Variants in IL1RAPL2 observed in about 807,000 individuals in gnomAD.
The protein encoded by IL1RAPL2 is X-linked interleukin-1 receptor accessory protein-like 2.
In IL1RAPL2, 3 loss-of-function variants were observed where a neutral mutation model predicts 44.1. The observed-to-expected ratio is 0.07, with a 90% CI of 0.03 to 0.18. IL1RAPL2 has a LOEUF of 0.18. Among genes scored for constraint, IL1RAPL2 ranks in the 10% least tolerant of loss-of-function variants. The pLI is 1.00. For missense variants in IL1RAPL2, 391 were observed against 496.4 expected, an observed-to-expected ratio of 0.79 and a Z score of 2.02; for synonymous variants, 181 against 178.8, an observed-to-expected ratio of 1.01 and a Z score of -0.10.
chrX:104,861,445 C>A lies in IL1RAPL2; in HGVS notation c.82+202450C>A, dbSNP rs1055912295. 2.7e-5 allele frequency among the ~76,000 whole-genome samples: 3 copies of A among 111,374 alleles called. No homozygotes were observed. The East Asian group carries it at 8.5e-4, about 32-fold the overall frequency. On this transcript the variant is annotated intron_variant, in intron 2 of 10. Coordinates refer to ENST00000372582, the MANE Select transcript of IL1RAPL2 (RefSeq NM_017416.2). ...AAAATAAAATATAGACTATCCTCAA[C>A]TTATGAGGGTTCAAATTAGTATTTT...
At chrX:104,601,031 C>T (rs940455293) in intron 1 of IL1RAPL2, among the ~76,000 whole-genome samples, 8 of 111,026 alleles carry the variant, frequency 7.2e-5, no homozygotes, top group African/African-American at 2.6e-4. Context: ...GCATATATAC[C>T]CAGTAATGGG....
chrX:105,618,839 T>C (rs1232114751), intron 6 of IL1RAPL2, among the ~76,000 whole-genome samples: 1 of 111,771 alleles, frequency 8.9e-6, no homozygotes, highest in East Asian at 2.8e-4. Context: ...TCTGTTGTTA[T>C]GAGCACAGAG....
chrX:104,908,454 T>G (rs1168662734), intron 2 of IL1RAPL2, among the ~76,000 whole-genome samples: 1 of 111,576 alleles, frequency 9.0e-6, no homozygotes, highest in African/African-American at 3.3e-5. Flanking sequence ...GTTGTTCCTT[T>G]CCATGTTTAG....
chrX:104,617,220 T>C (rs981193171), intron 1 of IL1RAPL2, among the ~76,000 whole-genome samples: 4 of 112,175 alleles, frequency 3.6e-5, no homozygotes, highest in African/African-American at 1.3e-4. Flanking sequence ...CTTTTAAGGC[T>C]TCTGCTGAGA....
intron 6 of IL1RAPL2, among the ~76,000 whole-genome samples, chrX:105,511,279 T>G (rs1001362396): frequency 6.3e-5 from 7 of 111,699 alleles, no homozygotes; most frequent in Non-Finnish European, 1.3e-4. Context: ...GTTTTGGAGC[T>G]CCACAAGGAC....
chrX:104,585,306 T>A (rs189311505), intron 1 of IL1RAPL2, among the ~76,000 whole-genome samples: 11 of 21,142 alleles, frequency 5.2e-4, no homozygotes, highest in East Asian at 4.1e-3. Context: ...ATATTATATA[T>A]TATATAATAT....
At chrX:104,602,620 G>A (rs192371529) in intron 1 of IL1RAPL2, among the ~76,000 whole-genome samples, 22 of 111,404 alleles carry the variant, frequency 2.0e-4, no homozygotes, top group Non-Finnish European at 3.8e-4. Flanking sequence ...GTCTGAGATC[G>A]ACCCAGGACA....
intron 2 of IL1RAPL2, among the ~76,000 whole-genome samples, chrX:104,893,331 A>T (rs1290432650): frequency 9.0e-6 from 1 of 111,343 alleles, no homozygotes; most frequent in East Asian, 2.8e-4. Flanking sequence ...GCTGGGTTCA[A>T]TTTCTGGATA....
intron 5 of IL1RAPL2, among the ~76,000 whole-genome samples, chrX:105,326,726 T>C (rs1639850742): frequency 8.9e-6 from 1 of 111,769 alleles, no homozygotes; most frequent in Non-Finnish European, 1.9e-5. Context: ...TTTATTCCAT[T>C]GATCTATACG....
At chrX:104,657,409 T>A (rs752129038) in intron 1 of IL1RAPL2, among the ~76,000 whole-genome samples, 1 of 111,634 alleles carries the variant, frequency 9.0e-6, no homozygotes, top group Admixed American at 9.6e-5. Flanking sequence ...CTGGGAAAAC[T>A]GGCTAGCCAT....
intron 1 of IL1RAPL2, among the ~76,000 whole-genome samples, chrX:104,600,149 T>C (rs1223028665): frequency 2.7e-5 from 3 of 112,311 alleles, no homozygotes; most frequent in African/African-American, 6.5e-5. Context: ...CATAAATCAT[T>C]ATCTACAGGG....
chrX:105,078,073 T>A (rs1024663377), intron 2 of IL1RAPL2, among the ~76,000 whole-genome samples: 1 of 112,233 alleles, frequency 8.9e-6, no homozygotes. Flanking sequence ...CCGTTGCTGG[T>A]GAGGAGCTGC....
chrX:105,756,374 G>A lies in IL1RAPL2; in HGVS notation c.1363+1027G>A, dbSNP rs142948486. On this transcript the variant is annotated intron_variant, in intron 10 of 10. Coordinates refer to ENST00000372582, the MANE Select transcript of IL1RAPL2 (RefSeq NM_017416.2). ...CAAACAGTTGGCAAATGGTTGAGCT[G>A]GCAGTGGAACCTAGATTTATTTGAC... Among the ~76,000 whole-genome samples, 3 of 111,504 alleles carry A rather than the reference G, an allele frequency of 2.7e-5. No homozygotes were observed. In the East Asian group the frequency reaches 8.5e-4, roughly 32 times the overall value.
At chrX:105,396,460 C>T (rs1351390030) in intron 5 of IL1RAPL2, among the ~76,000 whole-genome samples, 1 of 101,975 alleles carries the variant, frequency 9.8e-6, no homozygotes, top group Non-Finnish European at 2.0e-5. Context: ...AGTATACTAG[C>T]TGGTAATAGC....
chrX:105,207,629 T>G (rs1556153662), intron 3 of IL1RAPL2, among the ~76,000 whole-genome samples: 1 of 111,834 alleles, frequency 8.9e-6, no homozygotes, highest in Non-Finnish European at 1.9e-5. Context: ...CCTCTAGCAC[T>G]TTTTTCCTTT....
At chrX:104,828,229 C>A (rs1047508760) in intron 2 of IL1RAPL2, among the ~76,000 whole-genome samples, 5 of 112,297 alleles carry the variant, frequency 4.5e-5, no homozygotes, top group African/African-American at 1.3e-4. Context: ...GAATTTTCAG[C>A]CTTTTTGTGC....
At chrX:104,904,661 C>T (rs1271370273) in intron 2 of IL1RAPL2, among the ~76,000 whole-genome samples, 1 of 109,975 alleles carries the variant, frequency 9.1e-6, no homozygotes, top group Non-Finnish European at 1.9e-5. Flanking sequence ...CATAGTATTC[C>T]ATGGTGTATA....
intron 2 of IL1RAPL2, among the ~76,000 whole-genome samples, chrX:104,921,612 T>C (rs954471214): frequency 8.9e-6 from 1 of 112,217 alleles, no homozygotes; most frequent in Non-Finnish European, 1.9e-5. Context: ...TCCAGGTGGA[T>C]GAAAATGAGA....
At chrX:104,791,729 C>T (rs1250891081) in intron 2 of IL1RAPL2, among the ~76,000 whole-genome samples, 1 of 111,516 alleles carries the variant, frequency 9.0e-6, no homozygotes, top group Non-Finnish European at 1.9e-5. Flanking sequence ...TATGAAGTAG[C>T]AGAACATGTG....
Sources: gnomAD v4.1 joint callset for allele counts (sites outside exome capture counted in the v4.1 genomes callset) on GRCh38, gnomAD v4.1.1 for gene constraint, MANE v1.5 for transcripts, NCBI Gene and HGNC (gene_info 2026-07-23, HGNC 2026-07-21) for gene names.